BCAS3: variants seen among roughly 807,000 people sequenced by gnomAD.
BCAS3 encodes the protein BCAS3 microtubule associated cell migration factor.
Under a neutral mutation model 116.1 loss-of-function variants are expected in BCAS3, and 53 were observed. That is an observed-to-expected ratio of 0.46 (90% CI 0.37 to 0.57). The LOEUF is 0.57. Ranked by LOEUF, BCAS3 falls within the 20% of genes least tolerant of loss-of-function variation. BCAS3 has a pLI of 0.00. For missense variants in BCAS3, 917 were observed against 1,165.4 expected (o/e 0.79, Z 3.10); for synonymous variants, 391 against 408.2 (o/e 0.96, Z 0.51).
intron 15 of BCAS3, among the ~76,000 whole-genome samples, chr17:60,999,573 A>AAAAAAAG (rs2064097478): frequency 1.4e-5 from 2 of 138,142 alleles, no homozygotes; most frequent in African/African-American, 7.0e-5. Context: ...AAGAAAAAGA[A>AAAAAAAG]AAAGAAATGT....
At position 61,121,310 on chromosome 17, in the gene BCAS3, T is replaced by G. The variant is rs529279638; in HGVS notation, c.2425+36746T>G. Reference sequence around the variant, plus strand: ...ATGCTAATAATATTTTTCTGTATTTTTCCTTATATTCTATAGTTTTGCTAT... The same window carrying G: ...ATGCTAATAATATTTTTCTGTATTTGTCCTTATATTCTATAGTTTTGCTAT... On this transcript the variant is annotated intron_variant, in intron 22 of 23. Coordinates refer to ENST00000407086, the MANE Select transcript of BCAS3 (RefSeq NM_017679.5). 1.2e-4 allele frequency among the ~76,000 whole-genome samples: 19 copies of G among 152,290 alleles called. 1 individual carries two copies. In the East Asian group the frequency reaches 2.3e-3, roughly 19 times the overall value.
Position 61,219,031 on chromosome 17 carries a change from C to T in BCAS3, c.2425+134467C>T, listed in dbSNP as rs567499231. 6.6e-6 allele frequency among the ~76,000 whole-genome samples: 1 copy of T among 152,296 alleles called. No homozygotes were observed. The highest frequency in any genetic ancestry group is 2.1e-4 in the South Asian group (1 of 4,816). On this transcript the variant is annotated intron_variant, in intron 22 of 23. Coordinates refer to ENST00000407086, the MANE Select transcript of BCAS3 (RefSeq NM_017679.5). The surrounding 1 kb of genome is among the most constrained non-coding windows in gnomAD (Gnocchi z 5.2). ...TTGAATCCAAAAAAGTGATCTCCCT[C>T]CTCATTTTCTGTTTGCTGATAAAGG...
chr17:60,964,264 A>G lies in BCAS3; in HGVS notation c.1221+16912A>G, dbSNP rs1315540573. 6.6e-6 allele frequency among the ~76,000 whole-genome samples: 1 copy of G among 152,122 alleles called. No homozygotes were observed. The highest frequency in any genetic ancestry group is 1.5e-5 in the Non-Finnish European group (1 of 68,022). The stretch of plus-strand genomic sequence containing the variant: ...TATATCATAAAGGATGTTGAATTTT[A>G]TAAAATACTTTTTCAGTATCTATTG... On this transcript the variant is annotated intron_variant, in intron 14 of 23. Transcript: ENST00000407086. This position sits in a 1 kb window ranked among gnomAD's most constrained non-coding sequence, Gnocchi z 4.6.
chr17:60,990,266 A>G lies in BCAS3; in HGVS notation c.1486+31A>G. The stretch of plus-strand genomic sequence containing the variant: ...TTTCTCTGTCTCCACTGTTATCTTG[A>G]ATCTTCCTTCCCTTTGTCCTTATTT... On this transcript the variant is annotated intron_variant, in intron 15 of 23. Coordinates refer to ENST00000407086, the MANE Select transcript of BCAS3 (RefSeq NM_017679.5). The surrounding 1 kb of genome is among the most constrained non-coding windows in gnomAD (Gnocchi z 5.1). 1 of 1,602,726 alleles carries G rather than the reference A, an allele frequency of 6.2e-7. No homozygotes were observed. The highest frequency in any genetic ancestry group is 1.1e-5 in the South Asian group (1 of 90,602).
At chr17:60,777,418 A>G (rs1252576176) in intron 6 of BCAS3, among the ~76,000 whole-genome samples, 2 of 152,164 alleles carry the variant, frequency 1.3e-5, no homozygotes, top group Non-Finnish European at 2.9e-5. Context: ...TGAGGCCAAG[A>G]GTTGGAGACC....
Position 61,038,003 on chromosome 17 carries a change from A to G in BCAS3, c.1877A>G (p.Asp626Gly), listed in dbSNP as rs924752071. ...PLSTAPKISDDTPLEMMTSPR... is the reference protein window; with the variant it reads ...PLSTAPKISDGTPLEMMTSPR... ...AGCACTGCACCCAAGATTAGTGACGACACACCACTGGAAATGATGACATCG... is the reference window on the plus strand; with the variant it reads ...AGCACTGCACCCAAGATTAGTGACGGCACACCACTGGAAATGATGACATCG... The change falls in exon 18 of 24, where the codon GAC (aspartate) becomes GGC (glycine). Residue 626 changes from aspartate to glycine, a missense_variant. Physicochemically the swap from Asp to Gly is moderately conservative, Grantham distance 94. This residue lies in a region of BCAS3 where 807 missense variants were observed against 1,026.0 expected (regional missense o/e 0.79). Coordinates refer to ENST00000407086, the MANE Select transcript of BCAS3 (RefSeq NM_017679.5). The G allele has an allele frequency of 3.1e-6, 5 of 1,614,200 alleles. No homozygotes were observed. Among genetic ancestry groups the G allele is most frequent in the Non-Finnish European group, 4.2e-6 (5 of 1,180,034 alleles).
rs181366450 is a variant in BCAS3, at chr17:61,049,108, A to G, written c.2029+8216A>G. On this transcript the variant is annotated intron_variant, in intron 19 of 23. Coordinates refer to ENST00000407086, the MANE Select transcript of BCAS3 (RefSeq NM_017679.5). Reference sequence around the variant, plus strand: ...GAGGTCAGGAGTTCAATACCTGCCTAGAAATAGAGTGAGACCCTGACTCTA... The same window carrying G: ...GAGGTCAGGAGTTCAATACCTGCCTGGAAATAGAGTGAGACCCTGACTCTA... Among the ~76,000 whole-genome samples the G allele has an allele frequency of 1.7e-3, 256 of 151,992 alleles. 2 individuals carry two copies. The highest frequency in any genetic ancestry group is 5.3e-3 in the African/African-American group (222 of 41,528).
chr17:60,802,795 A>G (rs1205799281), intron 6 of BCAS3, among the ~76,000 whole-genome samples: 3 of 151,964 alleles, frequency 2.0e-5, no homozygotes, highest in Non-Finnish European at 4.4e-5. Flanking sequence ...ACACCCGGCT[A>G]ATTTTGTATT....
chr17:60,946,231 T>C (rs1567935491), intron 13 of BCAS3, among the ~76,000 whole-genome samples: 2 of 152,234 alleles, frequency 1.3e-5, no homozygotes, highest in Non-Finnish European at 1.5e-5. Context: ...ATTGGACATC[T>C]TATGCAAATA....
intron 2 of BCAS3, among the ~76,000 whole-genome samples, chr17:60,680,073 G>T (rs1011327284): frequency 6.9e-6 from 1 of 145,310 alleles, no homozygotes; most frequent in African/African-American, 2.5e-5. Flanking sequence ...GGTGGAACTT[G>T]CAGTGAGCTG....
rs886300128 is a variant in BCAS3, at chr17:61,088,892, G to T, written c.2425+4328G>T. Among the ~76,000 whole-genome samples the T allele has an allele frequency of 1.1e-4, 16 of 152,096 alleles. No homozygotes were observed. Among genetic ancestry groups the T allele is most frequent in the African/African-American group, 3.6e-4 (15 of 41,402 alleles). ...GAGGTGTGGTGGAAGCAGTGTTTGTGTACATGCCTGAGGAAGTGTGGTGGA... is the reference window on the plus strand; with the variant it reads ...GAGGTGTGGTGGAAGCAGTGTTTGTTTACATGCCTGAGGAAGTGTGGTGGA... On this transcript the variant is annotated intron_variant, in intron 22 of 23. Coordinates refer to ENST00000407086, the MANE Select transcript of BCAS3 (RefSeq NM_017679.5). This position sits in a 1 kb window ranked among gnomAD's most constrained non-coding sequence, Gnocchi z 4.2.
chr17:61,010,134 C>T (rs971795356), intron 15 of BCAS3, among the ~76,000 whole-genome samples: 3 of 147,646 alleles, frequency 2.0e-5, no homozygotes, highest in African/African-American at 7.6e-5. Flanking sequence ...GGGAATATGC[C>T]TCTCTGCAAA....
At chr17:60,889,655 A>G in intron 9 of BCAS3, 40 bp from the exon 10 acceptor site, 6 of 1,528,844 alleles carry the variant, frequency 3.9e-6, no homozygotes, top group Non-Finnish European at 5.4e-6. Context: ...CAGAAAAGTT[A>G]TTAAGAAATT....
At chr17:60,886,756 C>T (rs1459265064) in intron 9 of BCAS3, among the ~76,000 whole-genome samples, 6 of 152,108 alleles carry the variant, frequency 3.9e-5, no homozygotes, top group South Asian at 4.1e-4. Flanking sequence ...TTAGGCTGCT[C>T]GGGGGTCAGG....
At chr17:60,808,396 A>G (rs1187501163) in intron 7 of BCAS3, among the ~76,000 whole-genome samples, 2 of 152,204 alleles carry the variant, frequency 1.3e-5, no homozygotes, top group Non-Finnish European at 2.9e-5. Flanking sequence ...AAAGCTAGGA[A>G]TGATTATGGT....
At chr17:60,767,296 A>C (rs916077974) in intron 6 of BCAS3, among the ~76,000 whole-genome samples, 2 of 150,882 alleles carry the variant, frequency 1.3e-5, no homozygotes, top group African/African-American at 4.9e-5. Context: ...TGGGAACTGC[A>C]GACTGGACCT....
rs1483834073 is a variant in BCAS3, at chr17:61,106,563, T to G, written c.2425+21999T>G. On this transcript the variant is annotated intron_variant, in intron 22 of 23. Transcript: ENST00000407086. This position sits in a 1 kb window ranked among gnomAD's most constrained non-coding sequence, Gnocchi z 4.2. Reference sequence around the variant, plus strand: ...AACACACTTTCTCAGAACACATCTTTGTTGTTAAGCAATGCGTGGGTGTAT... The same window carrying G: ...AACACACTTTCTCAGAACACATCTTGGTTGTTAAGCAATGCGTGGGTGTAT... Among the ~76,000 whole-genome samples, 2 of 152,216 alleles carry G rather than the reference T, an allele frequency of 1.3e-5. No individual in the cohort carries two copies. Among genetic ancestry groups the G allele is most frequent in the Non-Finnish European group, 2.9e-5 (2 of 68,040 alleles).
At chr17:60,719,208 T>C (rs1266489294) in intron 5 of BCAS3, among the ~76,000 whole-genome samples, 1 of 152,214 alleles carries the variant, frequency 6.6e-6, no homozygotes, top group Non-Finnish European at 1.5e-5. Flanking sequence ...GTTTTAAATG[T>C]GTGAACCATA....
chr17:60,706,760 AAAAAC>A (rs148173954), intron 4 of BCAS3, among the ~76,000 whole-genome samples: 33 of 150,928 alleles, frequency 2.2e-4, no homozygotes, highest in East Asian at 1.4e-3. Flanking sequence ...CTCTGTCTCA[AAAAAC>A]AAAACAAAAC....
Sources: gnomAD v4.1 joint callset for allele counts (sites outside exome capture counted in the v4.1 genomes callset) on GRCh38, gnomAD v4.1.1 for gene constraint, gnomAD v4.1.1 regional missense constraint, Gnocchi (gnomAD v3.1) non-coding constraint, MANE v1.5 for transcripts, NCBI Gene and HGNC (gene_info 2026-07-23, HGNC 2026-07-21) for gene names.